Variants in FAM193A observed in about 807,000 individuals in gnomAD.
FAM193A encodes protein FAM193A.
Under a neutral mutation model 126.5 loss-of-function variants are expected in FAM193A, and 22 were observed. That is an observed-to-expected ratio of 0.17 (90% CI 0.12 to 0.25). The LOEUF is 0.25. Among genes scored for constraint, FAM193A ranks in the 10% least tolerant of loss-of-function variants. FAM193A has a pLI of 1.00. For missense variants in FAM193A, 1,675 were observed against 1,672.8 expected, an observed-to-expected ratio of 1.00 and a Z score of -0.02; for synonymous variants, 761 against 646.8, an observed-to-expected ratio of 1.18 and a Z score of -2.68.
At chr4:2,608,726 G>T (rs886869098) in intron 2 of FAM193A, among the ~76,000 whole-genome samples, 2 of 152,136 alleles carry the variant, frequency 1.3e-5, no homozygotes, top group African/African-American at 4.8e-5. Flanking sequence ...GAGAAGAGAG[G>T]TGGGATGGCT....
intron 7 of FAM193A, among the ~76,000 whole-genome samples, chr4:2,655,935 ATAATT>A (rs1174099063): frequency 1.3e-5 from 2 of 152,142 alleles, no homozygotes; most frequent in African/African-American, 4.8e-5. Context: ...TGTCTCAAAG[ATAATT>A]TTATTTACAA....
rs137878199 is a variant in FAM193A at position 2,699,997 on chromosome 4, C to T, written c.3825C>T (p.His1275=). 5.3e-4 allele frequency: 854 copies of T among 1,613,954 alleles called. 5 individuals carry two copies. The African/African-American group carries it at 0.01, about 19-fold the overall frequency. The part of the protein sequence containing the change: ...EQTEEPETSS[H]SPSRHMNHSE... Reference sequence around the variant, plus strand: ...CTGAAGAACCAGAAACCTCTTCTCACTCCCCATCCAGGCATATGAACCACT... The same window carrying T: ...CTGAAGAACCAGAAACCTCTTCTCATTCCCCATCCAGGCATATGAACCACT... Residue 1275 remains histidine, a synonymous_variant, in exon 19 of 21, where the codon CAC becomes CAT. Coordinates refer to ENST00000637812, the MANE Select transcript of FAM193A (RefSeq NM_001366318.2).
At chr4:2,637,713 C>G (rs1573655) in intron 5 of FAM193A, among the ~76,000 whole-genome samples, 39,785 of 152,086 alleles carry the variant, frequency 0.26, 5,728 homozygotes, top group Middle Eastern at 0.36. Flanking sequence ...CCTGCATGCC[C>G]CGGTCCAGTT....
chr4:2,695,736 C>T (rs893145902), intron 17 of FAM193A, among the ~76,000 whole-genome samples: 3 of 152,104 alleles, frequency 2.0e-5, no homozygotes, highest in African/African-American at 7.2e-5. Flanking sequence ...ATACTACAGA[C>T]ACATTTATTG....
chr4:2,580,425 G>C (rs77177157), intron 1 of FAM193A, among the ~76,000 whole-genome samples: 4,371 of 152,160 alleles, frequency 0.029, 225 homozygotes, highest in African/African-American at 0.099. Context: ...TACAACAAAC[G>C]CCTGTGACAC....
At chr4:2,698,459 A>C (rs1425372179) in intron 18 of FAM193A, among the ~76,000 whole-genome samples, 2 of 152,170 alleles carry the variant, frequency 1.3e-5, no homozygotes, top group Admixed American at 1.3e-4. Flanking sequence ...TGACATACAC[A>C]TGGAGAAGGA....
intron 6 of FAM193A, among the ~76,000 whole-genome samples, chr4:2,643,319 G>T (rs182180002): frequency 1.1e-3 from 160 of 151,816 alleles, no homozygotes; most frequent in Admixed American, 3.5e-3. Context: ...ACCCCTTAAA[G>T]CTTCTGCATC....
rs1491485597 is a variant in FAM193A, at chr4:2,728,895, A to ATTTTT, written c.4455-2880_4455-2879insTTTTT. Among the ~76,000 whole-genome samples, 121 of 105,716 alleles carry ATTTTT rather than the reference A, an allele frequency of 1.1e-3. 10 individuals carry two copies. The South Asian group carries it at 0.014, about 13-fold the overall frequency. The allele number at this position is 105,716 out of a possible 152,430, so 69.4% of individuals were successfully genotyped here. A position where few individuals can be genotyped will look rare whatever the true frequency, so the allele number is the denominator to read the frequency against. On this transcript the variant is annotated intron_variant, in intron 20 of 20. Coordinates refer to ENST00000637812, the MANE Select transcript of FAM193A (RefSeq NM_001366318.2). Reference sequence around the variant, plus strand: ...TAAGCAAATATGTTCCACCTCCAAAACTTTTTTTTTTTTTTTTTTTTTTTT... The same window carrying ATTTTT: ...TAAGCAAATATGTTCCACCTCCAAAATTTTTCTTTTTTTTTTTTTTTTTTTTTTTT...
intron 1 of FAM193A, among the ~76,000 whole-genome samples, chr4:2,566,582 G>T (rs1287546284): frequency 6.6e-6 from 1 of 151,962 alleles, no homozygotes; most frequent in Non-Finnish European, 1.5e-5. Context: ...CCAGCTACTC[G>T]GGAGGCTGAG....
chr4:2,669,473 C>A (rs538796931), intron 12 of FAM193A, among the ~76,000 whole-genome samples: 1 of 152,086 alleles, frequency 6.6e-6, no homozygotes, highest in South Asian at 2.1e-4. Context: ...GCCAGGCGTG[C>A]TATCATGTGC....
intron 7 of FAM193A, 150 bp downstream of exon 7, chr4:2,646,982 G>A: frequency 1.2e-6 from 1 of 864,406 alleles, no homozygotes; most frequent in South Asian, 2.0e-5. Context: ...CTGTGTGTTA[G>A]CTGCTGGTTT....
intron 20 of FAM193A, among the ~76,000 whole-genome samples, chr4:2,722,008 A>C (rs1720221141): frequency 6.6e-6 from 1 of 152,232 alleles, no homozygotes; most frequent in Admixed American, 6.5e-5. Context: ...GAGGCCACAC[A>C]GCACAACCAT....
At chr4:2,646,924 C>T (rs1471498443) in intron 7 of FAM193A, 92 bp downstream of exon 7, 2 of 1,357,808 alleles carry the variant, frequency 1.5e-6, no homozygotes, top group East Asian at 2.6e-5. Flanking sequence ...TCCTGAGCTG[C>T]AAGCCAGGAA....
intron 15 of FAM193A, among the ~76,000 whole-genome samples, chr4:2,691,285 A>T (rs1716349386): frequency 6.6e-6 from 1 of 152,192 alleles, no homozygotes; most frequent in East Asian, 1.9e-4. Context: ...GTGCAGTCTC[A>T]GCTCATTACA....
At chr4:2,701,423 G>A (rs568912610) in intron 19 of FAM193A, among the ~76,000 whole-genome samples, 1 of 152,124 alleles carries the variant, frequency 6.6e-6, no homozygotes, top group South Asian at 2.1e-4. Context: ...GAAGAGTGCA[G>A]CGCATTTATT....
chr4:2,691,614 CGAG>C (rs1021281611), intron 15 of FAM193A, among the ~76,000 whole-genome samples: 1 of 151,878 alleles, frequency 6.6e-6, no homozygotes, highest in Non-Finnish European at 1.5e-5. Context: ...GTAGCTGGCT[CGAG>C]GAGGCCTCAC....
At chr4:2,696,863 G>C (rs1021333108) in intron 18 of FAM193A, among the ~76,000 whole-genome samples, 2 of 152,214 alleles carry the variant, frequency 1.3e-5, no homozygotes, top group Admixed American at 1.3e-4. Context: ...GGCAGCAGCA[G>C]ACACTCCAGC....
intron 13 of FAM193A, among the ~76,000 whole-genome samples, chr4:2,674,931 TG>T (rs1714230444): frequency 6.6e-6 from 1 of 152,106 alleles, no homozygotes; most frequent in Admixed American, 6.5e-5. Flanking sequence ...AATTTATATA[TG>T]GAGTATAAGT....
intron 6 of FAM193A, among the ~76,000 whole-genome samples, chr4:2,642,286 G>C (rs1744713736): frequency 6.6e-6 from 1 of 152,102 alleles, no homozygotes; most frequent in African/African-American, 2.4e-5. Context: ...CTGGGGGACA[G>C]AGCGAGACTC....
Sources: gnomAD v4.1 joint callset for allele counts (sites outside exome capture counted in the v4.1 genomes callset) on GRCh38, gnomAD v4.1.1 for gene constraint, MANE v1.5 for transcripts, NCBI Gene and HGNC (gene_info 2026-07-23, HGNC 2026-07-21) for gene names.